Variants in TMEM108 observed in about 807,000 individuals in gnomAD.
The protein encoded by TMEM108 is cancer/testis antigen 124.
TMEM108 carries 12 observed loss-of-function variants against 35.1 expected under a neutral mutation model. That is an observed-to-expected ratio of 0.34 (90% CI 0.22 to 0.55). The LOEUF is 0.55. Among genes scored for constraint, TMEM108 ranks in the 20% least tolerant of loss-of-function variants. The probability of loss-of-function intolerance (pLI) is 0.89; values close to 1 mark genes in which losing one functional copy is unlikely to be tolerated. For missense variants in TMEM108, 680 were observed against 753.3 expected (o/e 0.90, Z 1.14); for synonymous variants, 287 against 308.6 (o/e 0.93, Z 0.73).
At chr3:133,231,483 T>TC (rs1946152551) in intron 3 of TMEM108, among the ~76,000 whole-genome samples, 1 of 152,088 alleles carries the variant, frequency 6.6e-6, no homozygotes, top group African/African-American at 2.4e-5. Context: ...AAGTTTGGGC[T>TC]CCCCCACAAC....
chr3:133,130,830 A>G (rs1277467067), intron 2 of TMEM108, among the ~76,000 whole-genome samples: 1 of 152,208 alleles, frequency 6.6e-6, no homozygotes, highest in Non-Finnish European at 1.5e-5. Context: ...TCTTCAGACC[A>G]AGGGAGCATA....
intron 2 of TMEM108, chr3:133,119,644 A>G (rs950446450): frequency 1.3e-5 from 2 of 152,124 alleles, no homozygotes; most frequent in African/African-American, 4.8e-5. Context: ...ACTTGCATCT[A>G]TTTGCATCCT....
chr3:133,272,853 T>A (rs905513208), intron 3 of TMEM108, among the ~76,000 whole-genome samples: 8 of 152,116 alleles, frequency 5.3e-5, no homozygotes, highest in African/African-American at 1.9e-4. Context: ...GCTGTCACAA[T>A]GACTGGGAAA....
chr3:133,071,922 A>G (rs1377652652), intron 2 of TMEM108, among the ~76,000 whole-genome samples: 2 of 152,114 alleles, frequency 1.3e-5, no homozygotes, highest in Non-Finnish European at 2.9e-5. Flanking sequence ...TCAAATTCCA[A>G]TGTTACATTT....
At chr3:133,230,838 A>G (rs2107653292) in intron 3 of TMEM108, among the ~76,000 whole-genome samples, 1 of 152,320 alleles carries the variant, frequency 6.6e-6, no homozygotes, top group Admixed American at 6.5e-5. Context: ...TTATCCTATG[A>G]CGAGGTCCAT....
At chr3:133,265,721 T>C (rs538863543) in intron 3 of TMEM108, among the ~76,000 whole-genome samples, 1 of 152,330 alleles carries the variant, frequency 6.6e-6, no homozygotes, top group South Asian at 2.1e-4. Flanking sequence ...TGCATGCTTT[T>C]TCCCCTCCAG....
intron 2 of TMEM108, among the ~76,000 whole-genome samples, chr3:133,206,452 CT>C (rs1434248861): frequency 6.6e-6 from 1 of 151,958 alleles, no homozygotes; most frequent in Non-Finnish European, 1.5e-5. Flanking sequence ...TACCTTTGGT[CT>C]TTGATGTTGG....
chr3:133,384,891 G>C (rs2073106615), intron 4 of TMEM108, among the ~76,000 whole-genome samples: 1 of 152,238 alleles, frequency 6.6e-6, no homozygotes, highest in African/African-American at 2.4e-5. Flanking sequence ...ACTAGCTGCA[G>C]ATGTTTGTCA....
chr3:133,204,428 G>A (rs1043281136), intron 2 of TMEM108, among the ~76,000 whole-genome samples: 3 of 152,084 alleles, frequency 2.0e-5, no homozygotes, highest in Non-Finnish European at 4.4e-5. Context: ...GCTTTCTCCT[G>A]TGGGCATTTA....
At chr3:133,075,607 C>T (rs954253541) in intron 2 of TMEM108, among the ~76,000 whole-genome samples, 8 of 152,146 alleles carry the variant, frequency 5.3e-5, no homozygotes, top group East Asian at 3.9e-4. Flanking sequence ...AGCACATCCC[C>T]GTGGCTTTTC....
At chr3:133,136,508 T>G (rs1373981018) in intron 2 of TMEM108, among the ~76,000 whole-genome samples, 1 of 152,274 alleles carries the variant, frequency 6.6e-6, no homozygotes, top group Non-Finnish European at 1.5e-5. Context: ...GTGTGAGTCA[T>G]CACAGTATTT....
intron 2 of TMEM108, among the ~76,000 whole-genome samples, chr3:133,051,878 C>G (rs1482823132): frequency 6.6e-6 from 1 of 152,094 alleles, no homozygotes; most frequent in African/African-American, 2.4e-5. Flanking sequence ...TTTATCAATA[C>G]CATACTGTCT....
At chr3:133,283,895 A>G (rs1346380972) in intron 3 of TMEM108, among the ~76,000 whole-genome samples, 1 of 152,244 alleles carries the variant, frequency 6.6e-6, no homozygotes, top group Non-Finnish European at 1.5e-5. Flanking sequence ...GCATTTCTGA[A>G]CCAAGAGATG....
intron 4 of TMEM108, chr3:133,386,890 C>A: frequency 1.5e-6 from 1 of 652,148 alleles, no homozygotes; most frequent in Non-Finnish European, 1.9e-6. Context: ...CTTCTATGAC[C>A]TTCAGTTACC....
At chr3:133,120,370 C>T (rs1944337862) in intron 2 of TMEM108, among the ~76,000 whole-genome samples, 1 of 152,192 alleles carries the variant, frequency 6.6e-6, no homozygotes, top group Admixed American at 6.5e-5. Flanking sequence ...ACCTAGAGGT[C>T]AGAGGAAGTG....
At chr3:133,338,129 G>A (rs1368464367) in intron 3 of TMEM108, among the ~76,000 whole-genome samples, 2 of 152,094 alleles carry the variant, frequency 1.3e-5, no homozygotes, top group Non-Finnish European at 2.9e-5. Flanking sequence ...AAGAGATGGG[G>A]TAGAAAGTTT....
At chr3:133,272,343 A>C (rs1023291125) in intron 3 of TMEM108, among the ~76,000 whole-genome samples, 3 of 149,592 alleles carry the variant, frequency 2.0e-5, no homozygotes, top group Non-Finnish European at 3.0e-5. Context: ...TTAATATCTG[A>C]GAATAGACTT....
chr3:133,174,621 C>G (rs1945183081), intron 2 of TMEM108, among the ~76,000 whole-genome samples: 1 of 152,184 alleles, frequency 6.6e-6, no homozygotes, highest in Non-Finnish European at 1.5e-5. Flanking sequence ...AGGGTCCTGA[C>G]TGTTAGAAGG....
At chr3:133,352,763 A>G (rs1044663913) in intron 3 of TMEM108, among the ~76,000 whole-genome samples, 14 of 152,144 alleles carry the variant, frequency 9.2e-5, no homozygotes, top group African/African-American at 3.4e-4. Context: ...CCCTCCTAGC[A>G]CTGTTATGTG....
Sources: allele counts gnomAD v4.1 joint callset (sites outside exome capture counted in the v4.1 genomes callset), GRCh38; gene constraint gnomAD v4.1.1; transcripts MANE v1.5; gene names NCBI Gene and HGNC (gene_info 2026-07-23, HGNC 2026-07-21).